The following RBL1 variants were observed in gnomAD, a reference collection of about 807,000 sequenced individuals.
RBL1 encodes the protein retinoblastoma-like protein 1.
RBL1 carries 82 observed loss-of-function variants against 123.0 expected under a neutral mutation model. The observed-to-expected ratio is 0.67, with a 90% CI of 0.56 to 0.80. The LOEUF (loss-of-function observed/expected upper bound fraction) is 0.80, where lower values mean the gene tolerates loss of function less well. Among genes scored for constraint, RBL1 ranks in the 30% least tolerant of loss-of-function variants. The pLI is 0.00. For missense variants in RBL1, 1,171 were observed against 1,299.6 expected (o/e 0.90, Z 1.52); for synonymous variants, 405 against 441.3 (o/e 0.92, Z 1.03).
At chr20:37,083,630 CAAAAAAAAAA>C (rs1189362667) in intron 2 of RBL1, among the ~76,000 whole-genome samples, 6 of 57,360 alleles carry the variant, frequency 1.0e-4, no homozygotes, top group Non-Finnish European at 1.2e-4. Flanking sequence ...ACTAAAAATA[CAAAAAAAAAA>C]AAAAAAAAAA....
Position 37,047,098 on chromosome 20 carries a change from A to T in RBL1, c.1560T>A (p.Pro520=), listed in dbSNP as rs1205728556. 8 of 1,599,162 alleles carry T rather than the reference A, an allele frequency of 5.0e-6. No individual in the cohort carries two copies. The highest frequency in any genetic ancestry group is 6.8e-6 in the Non-Finnish European group (8 of 1,176,938). ...GCAAGTTGAGAACTTCAATAATCCA[A>T]GGAAAAGTACGAGGTGAGCTATAGG... is the stretch of plus-strand genomic sequence containing the variant. ...LFAYSSPRTF[P]WIIEVLNLQP... is the part of the protein sequence containing the mutation. Residue 520 remains proline (P), a synonymous_variant, in exon 12 of 22, where the codon CCT becomes CCA. Transcript: ENST00000373664.
chr20:37,043,162 G>GCACACACACACACACA (rs147834827), intron 13 of RBL1, among the ~76,000 whole-genome samples: 2 of 147,920 alleles, frequency 1.4e-5, no homozygotes, highest in African/African-American at 2.5e-5. Flanking sequence ...ATGCGCGCGT[G>GCACACACACACACACA]CACACACACA....
rs1301844581 is a variant in RBL1, at chr20:37,056,127, T to C, written c.1363+19A>G. ...TACTTATTTTCAATGCTATGCCAAC[T>C]GTAGTTTTCTTTTCTTACCTATGTG... On this transcript the variant is annotated intron_variant, in intron 10 of 21. Coordinates refer to ENST00000373664, the MANE Select transcript of RBL1 (RefSeq NM_002895.5). 6.3e-7 allele frequency: 1 copy of C among 1,597,892 alleles called. No individual in the cohort carries two copies. The highest frequency in any genetic ancestry group is 8.5e-7 in the Non-Finnish European group (1 of 1,176,248).
chr20:37,005,698 G>A (rs1358559994), intron 20 of RBL1, among the ~76,000 whole-genome samples: 3 of 152,020 alleles, frequency 2.0e-5, no homozygotes, highest in Non-Finnish European at 2.9e-5. Flanking sequence ...GAGATATTCC[G>A]AGTATAGCAC....
Position 37,066,894 on chromosome 20 carries a change from C to G in RBL1, c.686-10G>C. 2 of 1,612,140 alleles carry G rather than the reference C, an allele frequency of 1.2e-6. No individual in the cohort carries two copies. The highest frequency in any genetic ancestry group is 1.7e-6 in the Non-Finnish European group (2 of 1,179,356). On this transcript the variant is annotated splice_polypyrimidine_tract_variant and intron_variant, in intron 5 of 21. Transcript: ENST00000373664. ...AAATCAGATGGTAAACCTAGTTTGA[C>G]AGTGTAGGAAGGGCAGAGGGAAAAA...
At chr20:37,084,628 G>A (rs942329840) in intron 2 of RBL1, among the ~76,000 whole-genome samples, 2 of 152,104 alleles carry the variant, frequency 1.3e-5, no homozygotes, top group African/African-American at 4.8e-5. Context: ...AGCCTGTGAT[G>A]TCTAGGCTGT....
chr20:37,035,611 G>A (rs749638151), intron 14 of RBL1, 103 bp from the exon 15 acceptor site: 17 of 1,016,174 alleles, frequency 1.7e-5, no homozygotes, highest in Admixed American at 1.2e-4. Flanking sequence ...CTGGGCACTA[G>A]CTAGATATGA....
chr20:37,001,737 A>G (rs1254808227), intron 21 of RBL1, among the ~76,000 whole-genome samples: 1 of 145,112 alleles, frequency 6.9e-6, no homozygotes, highest in Non-Finnish European at 1.5e-5. Context: ...TGCGAGAAAC[A>G]CCCAAGAATG....
intron 2 of RBL1, among the ~76,000 whole-genome samples, chr20:37,076,028 A>G (rs1157365779): frequency 6.6e-6 from 1 of 152,146 alleles, no homozygotes; most frequent in Non-Finnish European, 1.5e-5. Context: ...GTTTTTCTCC[A>G]CTAAGGCAAT....
chr20:37,038,695 C>T (rs73620255), intron 14 of RBL1, among the ~76,000 whole-genome samples: 10 of 150,634 alleles, frequency 6.6e-5, no homozygotes, highest in South Asian at 6.3e-4. Flanking sequence ...CTCTGCCTCC[C>T]GGGTTCAAGT....
At chr20:37,010,551 T>C (rs62206478) in intron 19 of RBL1, among the ~76,000 whole-genome samples, 40,079 of 152,064 alleles carry the variant, frequency 0.26, 6,123 homozygotes, top group African/African-American at 0.41. Context: ...CTGGATGGTA[T>C]AGTATATTGC....
chr20:37,080,377 T>C lies in RBL1; in HGVS notation c.290+8612A>G, dbSNP rs535603637. Among the ~76,000 whole-genome samples, 6 of 150,520 alleles carry C rather than the reference T, an allele frequency of 4.0e-5. No homozygotes were observed. The South Asian group carries it at 1.3e-3, about 32-fold the overall frequency. ...TTACTGTGTTGGCCAGGCTGGTCTCTAACTCCTGGCCTCAAGTGATCTGCC... is the reference window on the plus strand; with the variant it reads ...TTACTGTGTTGGCCAGGCTGGTCTCCAACTCCTGGCCTCAAGTGATCTGCC... On this transcript the variant is annotated intron_variant, in intron 2 of 21. Coordinates refer to ENST00000373664, the MANE Select transcript of RBL1 (RefSeq NM_002895.5).
chr20:37,049,887 A>T (rs1287193346), intron 11 of RBL1, among the ~76,000 whole-genome samples: 2 of 151,854 alleles, frequency 1.3e-5, no homozygotes. Context: ...ACATGGAGAA[A>T]CCCCGTCTCT....
intron 20 of RBL1, among the ~76,000 whole-genome samples, chr20:37,007,195 G>A (rs1046212272): frequency 6.6e-6 from 1 of 152,152 alleles, no homozygotes; most frequent in African/African-American, 2.4e-5. Context: ...GTTGCAGTGA[G>A]CCCAGATCTC....
At chr20:37,089,166 T>C in intron 1 of RBL1, 44 bp from the exon 2 acceptor site, 1 of 1,496,628 alleles carries the variant, frequency 6.7e-7, no homozygotes, top group African/African-American at 1.4e-5. Context: ...TAATATTATG[T>C]TAAAATGCTT....
Position 37,000,587 on chromosome 20 carries a change from A to G in RBL1, c.3037-1658T>C, listed in dbSNP as rs1248693795. Among the ~76,000 whole-genome samples the G allele has an allele frequency of 8.3e-5, 8 of 96,642 alleles. No individual in the cohort carries two copies. The East Asian group carries it at 1.1e-3, about 14-fold the overall frequency. 63.4% of individuals were successfully genotyped at this position (96,642 alleles called of 152,430 possible). On this transcript the variant is annotated intron_variant, in intron 21 of 21. Transcript: ENST00000373664. Reference sequence around the variant, plus strand: ...GCCCGGCCAGCCGCCCCGTCCAGGAAGGATGTGGGGGGGTCAGCCCCGGGC... The same window carrying G: ...GCCCGGCCAGCCGCCCCGTCCAGGAGGGATGTGGGGGGGTCAGCCCCGGGC...
At chr20:37,049,300 A>C in intron 11 of RBL1, 1 of 636,442 alleles carries the variant, frequency 1.6e-6, no homozygotes, top group East Asian at 2.6e-5. Context: ...ATCACCCTCA[A>C]GGTTGAACCC....
intron 2 of RBL1, among the ~76,000 whole-genome samples, chr20:37,070,549 G>C (rs1254871469): frequency 6.6e-6 from 1 of 151,652 alleles, no homozygotes; most frequent in African/African-American, 2.4e-5. Context: ...CAAATGGAAA[G>C]ACAATTCCAT....
At position 37,068,119 on chromosome 20, in the gene RBL1, C is replaced by T; in HGVS notation, c.358G>A (p.Glu120Lys). ...TTTCTCTCTAGCCTTTCTATACGTT[C>T]ACGAAATTCTTGTGGTAGATTTGAC... Reference protein sequence around the residue: ...DMSNLPQEFRERIERLERNFE... With the variant: ...DMSNLPQEFRKRIERLERNFE... The change falls in exon 3 of 22, where the codon GAA becomes AAA. Residue 120 changes from glutamate (E) to lysine (K), a missense_variant. Transcript: ENST00000373664. 1 of 1,612,482 alleles carries T rather than the reference C, an allele frequency of 6.2e-7. No individual in the cohort carries two copies. The highest frequency in any genetic ancestry group is 8.5e-7 in the Non-Finnish European group (1 of 1,179,606).
Sources: allele counts gnomAD v4.1 joint callset (sites outside exome capture counted in the v4.1 genomes callset), GRCh38; gene constraint gnomAD v4.1.1; transcripts MANE v1.5; gene names NCBI Gene and HGNC (gene_info 2026-07-23, HGNC 2026-07-21).